Variants in ELMOD2 observed in about 807,000 individuals in gnomAD.
The protein encoded by ELMOD2 is ELMO domain-containing protein 2.
In ELMOD2, 28 loss-of-function variants were observed where a neutral mutation model predicts 41.0. The observed-to-expected ratio is 0.68, with a 90% confidence interval of 0.51 to 0.94. The LOEUF is 0.94. ELMOD2 is among the 40% of genes least tolerant of loss of function. The pLI, the probability that ELMOD2 is intolerant of heterozygous loss-of-function variation, is 0.00. For missense variants in ELMOD2, 333 were observed against 343.1 expected, an observed-to-expected ratio of 0.97 and a Z score of 0.23; for synonymous variants, 106 against 107.2, an observed-to-expected ratio of 0.99 and a Z score of 0.07.
intron 8 of ELMOD2, among the ~76,000 whole-genome samples, chr4:140,545,878 A>G (rs945745342): frequency 4.3e-4 from 66 of 152,278 alleles, no homozygotes; most frequent in African/African-American, 1.5e-3. Flanking sequence ...ACACTTTTAC[A>G]CTGTTGATGG....
rs750143144 is a variant in ELMOD2 at position 140,525,495 on chromosome 4, C to T, written c.67C>T (p.Arg23Ter). 23 of 1,613,694 alleles carry T rather than the reference C, an allele frequency of 1.4e-5. No homozygotes were observed. The highest frequency in any genetic ancestry group is 2.2e-5 in the East Asian group (1 of 44,836). ...FFRFWMKWLL[R>*]QMTGKCELQR... ...TCGATTTTGGATGAAATGGCTATTA[C>T]GACAGATGACTGGGAAGTGTGAATT... The change falls in exon 2 of 9, where the codon CGA (arginine) becomes TGA (stop). Residue 23 changes from arginine (R) to a stop codon, truncating the protein, a stop_gained. Transcript: ENST00000323570. LOFTEE classifies it high-confidence loss of function.
rs564528819 is a variant in ELMOD2, at chr4:140,535,401, A to G, written c.172-332A>G. ...TTTCTGCATTTAATTTTTTAAACTT[A>G]TGCATTCAAGATTTTTATTATGTAA... is the stretch of plus-strand genomic sequence containing the variant. On this transcript the variant is annotated intron_variant, in intron 3 of 8. Transcript: ENST00000323570. 1.1e-3 allele frequency: 196 copies of G among 179,920 alleles called. 5 individuals carry two copies. The South Asian group carries it at 0.026, about 23-fold the overall frequency. 11.1% of individuals were successfully genotyped at this position (179,920 alleles called of 1,614,324 possible). A position where few individuals can be genotyped will look rare whatever the true frequency, so the allele number is the denominator to read the frequency against.
At chr4:140,538,979 G>C (rs1318829378) in intron 5 of ELMOD2, among the ~76,000 whole-genome samples, 1 of 152,118 alleles carries the variant, frequency 6.6e-6, no homozygotes, top group Non-Finnish European at 1.5e-5. Context: ...CAAACTCCTT[G>C]CAGAATTCAT....
intron 6 of ELMOD2, chr4:140,542,352 C>T (rs898598547): frequency 3.2e-6 from 1 of 312,370 alleles, no homozygotes; most frequent in Non-Finnish European, 5.8e-6. Context: ...AAATACTTTA[C>T]AGTCTTGTCA....
chr4:140,528,566 C>A (rs1340489550), intron 3 of ELMOD2, among the ~76,000 whole-genome samples: 1 of 152,042 alleles, frequency 6.6e-6, no homozygotes, highest in East Asian at 1.9e-4. Flanking sequence ...TTTTGGACAT[C>A]CACATGAATG....
At chr4:140,550,039 T>G (rs1423320462) in intron 8 of ELMOD2, among the ~76,000 whole-genome samples, 191 bp from the exon 9 acceptor site, 1 of 152,142 alleles carries the variant, frequency 6.6e-6, no homozygotes, top group Non-Finnish European at 1.5e-5. Flanking sequence ...TTGAGACAAA[T>G]AGTAAATATA....
At chr4:140,525,222 A>G (rs1401845068) in intron 1 of ELMOD2, 198 bp from the exon 2 acceptor site, 3 of 454,824 alleles carry the variant, frequency 6.6e-6, no homozygotes, top group Non-Finnish European at 1.1e-5. Context: ...AAAAGTGATT[A>G]ATTGGCCATT....
chr4:140,547,300 C>A (rs2110882875), intron 8 of ELMOD2, among the ~76,000 whole-genome samples: 1 of 152,222 alleles, frequency 6.6e-6, no homozygotes, highest in Non-Finnish European at 1.5e-5. Context: ...TTTAATGCGT[C>A]CTGTGTAGGA....
intron 3 of ELMOD2, among the ~76,000 whole-genome samples, chr4:140,534,306 A>G (rs984994209): frequency 1.3e-5 from 2 of 152,196 alleles, no homozygotes; most frequent in Non-Finnish European, 1.5e-5. Flanking sequence ...GAAGCCAGAC[A>G]CAAAATAGTA....
At chr4:140,530,028 G>C (rs1026980933) in intron 3 of ELMOD2, among the ~76,000 whole-genome samples, 10 of 152,142 alleles carry the variant, frequency 6.6e-5, no homozygotes, top group Admixed American at 6.5e-5. Flanking sequence ...TTGAGTGAAT[G>C]AATGAATAAG....
In ELMOD2 at chr4:140,529,912, C is replaced by A. The variant is rs1472473827; in HGVS notation, c.171+2418C>A. Among the ~76,000 whole-genome samples, 6 of 152,180 alleles carry A rather than the reference C, an allele frequency of 3.9e-5. No individual in the cohort carries two copies. The East Asian group carries it at 1.2e-3, about 29-fold the overall frequency. ...TATTTTACTTACTTATTTTTCCATTCCTGAAAAGAAAAAGGCATTGTTTAT... is the reference window on the plus strand; with the variant it reads ...TATTTTACTTACTTATTTTTCCATTACTGAAAAGAAAAAGGCATTGTTTAT... On this transcript the variant is annotated intron_variant, in intron 3 of 8. Transcript: ENST00000323570.
intron 5 of ELMOD2, among the ~76,000 whole-genome samples, chr4:140,538,422 C>A (rs1171577760): frequency 6.6e-6 from 1 of 152,204 alleles, no homozygotes; most frequent in East Asian, 1.9e-4. Flanking sequence ...AGTTTAAAAA[C>A]AATAAAGGCT....
intron 8 of ELMOD2, among the ~76,000 whole-genome samples, chr4:140,545,237 A>G (rs1004912320): frequency 1.3e-5 from 2 of 152,062 alleles, no homozygotes; most frequent in East Asian, 3.9e-4. Flanking sequence ...TTTTCGAAAC[A>G]TTATCATGAC....
intron 8 of ELMOD2, among the ~76,000 whole-genome samples, chr4:140,546,345 G>GGC (rs1735281203): frequency 6.6e-6 from 1 of 151,996 alleles, no homozygotes; most frequent in East Asian, 1.9e-4. Context: ...GTGGGGTTGG[G>GGC]GGAGTGGGGA....
rs1735064239 is a variant in ELMOD2, at chr4:140,540,263, C to T, written c.495C>T (p.Asp165=). ...IGFQGDDPKT[D]FRGMGILGLI... is the part of the protein sequence containing the mutation. The stretch of plus-strand genomic sequence containing the variant: ...TTCAGGGTGATGATCCCAAGACAGA[C>T]TTCAGAGGCATGGGCATACTTGGGT... Residue 165 remains aspartate, a synonymous_variant, in exon 6 of 9, where the codon GAC becomes GAT. Transcript: ENST00000323570. 4 of 1,614,012 alleles carry T rather than the reference C, an allele frequency of 2.5e-6. No homozygotes were observed. The highest frequency in any genetic ancestry group is 3.4e-6 in the Non-Finnish European group (4 of 1,180,008).
chr4:140,549,058 C>G (rs557695464), intron 8 of ELMOD2, among the ~76,000 whole-genome samples: 100 of 152,042 alleles, frequency 6.6e-4, no homozygotes, highest in African/African-American at 2.4e-3. Flanking sequence ...CTTGCTCCTC[C>G]CCCCACCATC....
At chr4:140,537,619 A>G (rs1578765873) in intron 5 of ELMOD2, 78 bp downstream of exon 5, 2 of 1,542,364 alleles carry the variant, frequency 1.3e-6, no homozygotes, top group Non-Finnish European at 1.7e-6. Flanking sequence ...AAAGTCTGCA[A>G]ATTCTAGAGG....
Position 140,537,520 on chromosome 4 carries a change from G to T in ELMOD2, c.378G>T (p.Gln126His). The T allele has an allele frequency of 6.3e-7, 1 of 1,598,100 alleles. No individual in the cohort carries two copies. The highest frequency in any genetic ancestry group is 8.5e-7 in the Non-Finnish European group (1 of 1,173,902). The stretch of plus-strand genomic sequence containing the variant: ...GGCCATATGATTCTGATAACCTACA[G>T]CATGAAGAGCTACTCATGAAGGTAA... ...RKRPYDSDNLQHEELLMKLWN... is the reference protein window; with the variant it reads ...RKRPYDSDNLHHEELLMKLWN... The change falls in exon 5 of 9, where the codon CAG (glutamine) becomes CAT (histidine). Residue 126 changes from glutamine (Q) to histidine (H), a missense_variant. Coordinates refer to ENST00000323570, the MANE Select transcript of ELMOD2 (RefSeq NM_153702.4).
chr4:140,546,491 T>G (rs1463428940), intron 8 of ELMOD2, among the ~76,000 whole-genome samples: 1 of 150,484 alleles, frequency 6.6e-6, no homozygotes, highest in Admixed American at 6.6e-5. Flanking sequence ...ATAATAAAAA[T>G]ATATATAAAT....
Sources: gnomAD v4.1 joint callset for allele counts (sites outside exome capture counted in the v4.1 genomes callset) on GRCh38, gnomAD v4.1.1 for gene constraint, MANE v1.5 for transcripts, NCBI Gene and HGNC (gene_info 2026-07-23, HGNC 2026-07-21) for gene names.